WDR70: variants seen among roughly 807,000 people sequenced by gnomAD.
WDR70 encodes WD repeat-containing protein 70.
WDR70 carries 53 observed loss-of-function variants against 88.6 expected under a neutral mutation model. The observed-to-expected ratio is 0.60, with a 90% CI of 0.48 to 0.75. WDR70 has a LOEUF of 0.75. Ranked by LOEUF, WDR70 falls within the 30% of genes least tolerant of loss-of-function variation. The pLI is 0.00. For missense variants in WDR70, 610 were observed against 823.2 expected (o/e 0.74, Z 3.17); for synonymous variants, 280 against 270.0 (o/e 1.04, Z -0.36).
chr5:37,519,853 C>T (rs758129703), intron 9 of WDR70, among the ~76,000 whole-genome samples: 20 of 152,226 alleles, frequency 1.3e-4, no homozygotes, highest in Admixed American at 3.9e-4. Context: ...ACCCTCCAAA[C>T]TGTTCTTCAT....
chr5:37,559,255 A>C (rs996686960), intron 9 of WDR70, among the ~76,000 whole-genome samples: 7 of 152,044 alleles, frequency 4.6e-5, no homozygotes, highest in African/African-American at 7.2e-5. Context: ...CTTATGCTAC[A>C]CTATCCTCAT....
Position 37,721,117 on chromosome 5 carries a change from T to A in WDR70, c.1419T>A (p.Ser473Arg). 6.2e-7 allele frequency: 1 copy of A among 1,613,562 alleles called. No homozygotes were observed. The highest frequency in any genetic ancestry group is 1.7e-4 in the Middle Eastern group (1 of 6,052). ...RVYEIDITDA[S>R]VVRCLWHPKL... ...ACCACTGCGCTTTTCCTTTGCAGAG[T>A]GTTGTTCGCTGCCTGTGGCATCCAA... The change falls in exon 14 of 18, where the codon AGT becomes AGA. Residue 473 changes from serine to arginine, a missense_variant and splice_region_variant. Around this residue, in one of 4 missense-constraint regions of WDR70, gnomAD observed 254 missense variants for 300.7 expected, o/e 0.84. Coordinates refer to ENST00000265107, the MANE Select transcript of WDR70 (RefSeq NM_018034.4).
At chr5:37,722,668 T>G in intron 14 of WDR70, 187 bp from the exon 15 acceptor site, 1 of 589,648 alleles carries the variant, frequency 1.7e-6, no homozygotes, top group Non-Finnish European at 3.0e-6. Flanking sequence ...CTGACAGACT[T>G]GCTTTTCCAT....
At chr5:37,741,322 A>G (rs2112731380) in intron 17 of WDR70, among the ~76,000 whole-genome samples, 1 of 151,758 alleles carries the variant, frequency 6.6e-6, no homozygotes, top group East Asian at 1.9e-4. Flanking sequence ...AACCATTTAT[A>G]AGTATATAGT....
rs958483525 is a variant in WDR70 at position 37,695,312 on chromosome 5, C to T, written c.1093-2343C>T. Reference sequence around the variant, plus strand: ...ACCTCCCACCAAGTCCCACCTCCAACATTGTGAATTAGAATTTGACATGAG... The same window carrying T: ...ACCTCCCACCAAGTCCCACCTCCAATATTGTGAATTAGAATTTGACATGAG... On this transcript the variant is annotated intron_variant, in intron 10 of 17. Transcript: ENST00000265107. 3.7e-4 allele frequency among the ~76,000 whole-genome samples: 56 copies of T among 152,280 alleles called. 1 individual carries two copies. Among genetic ancestry groups the T allele is most frequent in the Admixed American group, 3.7e-3 (56 of 15,292 alleles).
intron 10 of WDR70, among the ~76,000 whole-genome samples, chr5:37,671,559 A>G (rs2112594232): frequency 6.6e-6 from 1 of 152,300 alleles, no homozygotes; most frequent in South Asian, 2.1e-4. Flanking sequence ...TAGGACTAGT[A>G]ATCTTTCTAT....
rs1334027050 is a variant in WDR70 at position 37,676,522 on chromosome 5, A to G, written c.1093-21133A>G. 2.0e-4 allele frequency among the ~76,000 whole-genome samples: 31 copies of G among 152,006 alleles called. 1 individual carries two copies. The highest frequency in any genetic ancestry group is 6.2e-4 in the South Asian group (3 of 4,818). ...GGTTTTTGTCTTTGGTTCTGTTTATATGCTGGATTACATTTATTGATTTGC... is the reference window on the plus strand; with the variant it reads ...GGTTTTTGTCTTTGGTTCTGTTTATGTGCTGGATTACATTTATTGATTTGC... On this transcript the variant is annotated intron_variant, in intron 10 of 17. Transcript: ENST00000265107.
chr5:37,680,267 T>C (rs1746386962), intron 10 of WDR70, among the ~76,000 whole-genome samples: 1 of 152,196 alleles, frequency 6.6e-6, no homozygotes, highest in Non-Finnish European at 1.5e-5. Context: ...CTTGAAAATT[T>C]GTTTAAGTTT....
chr5:37,526,752 A>G (rs1367902336), intron 9 of WDR70, among the ~76,000 whole-genome samples: 1 of 152,182 alleles, frequency 6.6e-6, no homozygotes, highest in Non-Finnish European at 1.5e-5. Context: ...TCAGCCCCAA[A>G]TCTCCTTAAG....
rs148725298 is a variant in WDR70, at chr5:37,586,031, C to G, written c.918-19033C>G. Among the ~76,000 whole-genome samples the G allele has an allele frequency of 6.0e-3, 911 of 152,244 alleles. 9 individuals carry two copies. Among genetic ancestry groups the G allele is most frequent in the African/African-American group, 0.021 (864 of 41,552 alleles). ...AAGACCCCTTTCAAGGCCTTTTGCT[C>G]TTGATTTTCCTTTTGCCATAAACTC... On this transcript the variant is annotated intron_variant, in intron 9 of 17. Coordinates refer to ENST00000265107, the MANE Select transcript of WDR70 (RefSeq NM_018034.4).
At chr5:37,646,332 T>C (rs945028679) in intron 10 of WDR70, among the ~76,000 whole-genome samples, 14 of 152,148 alleles carry the variant, frequency 9.2e-5, no homozygotes, top group Non-Finnish European at 1.9e-4. Flanking sequence ...TTTTGTACCA[T>C]GTCTTGAAGA....
At chr5:37,528,876 G>A (rs1741390538) in intron 9 of WDR70, among the ~76,000 whole-genome samples, 1 of 145,900 alleles carries the variant, frequency 6.9e-6, no homozygotes, top group African/African-American at 2.5e-5. Flanking sequence ...TCTTGGTCAT[G>A]AAGTCTTTGC....
chr5:37,528,487 G>T (rs1249373309), intron 9 of WDR70, among the ~76,000 whole-genome samples: 2 of 152,088 alleles, frequency 1.3e-5, no homozygotes, highest in Admixed American at 6.6e-5. Context: ...TGTGGGTTAG[G>T]GGGAGGGGTG....
intron 5 of WDR70, among the ~76,000 whole-genome samples, chr5:37,424,148 C>CAAAAAA (rs11304949): frequency 1.3e-3 from 71 of 55,454 alleles, no homozygotes; most frequent in Admixed American, 2.2e-3. Flanking sequence ...GACTCCATCT[C>CAAAAAA]AAAAAAAAAA....
At chr5:37,571,603 G>A (rs898518308) in intron 9 of WDR70, among the ~76,000 whole-genome samples, 11 of 152,156 alleles carry the variant, frequency 7.2e-5, no homozygotes, top group Non-Finnish European at 1.5e-4. Context: ...ATCCACTGGA[G>A]TGTATTAGGG....
chr5:37,626,252 C>T (rs1421087046), intron 10 of WDR70, among the ~76,000 whole-genome samples: 1 of 152,006 alleles, frequency 6.6e-6, no homozygotes, highest in Non-Finnish European at 1.5e-5. Context: ...TGTGGGTTTG[C>T]CATATTTGGC....
At chr5:37,683,791 AC>A (rs1330063960) in intron 10 of WDR70, among the ~76,000 whole-genome samples, 1 of 151,980 alleles carries the variant, frequency 6.6e-6, no homozygotes, top group Non-Finnish European at 1.5e-5. Context: ...TTTAATTTCA[AC>A]CTTGGAGAAT....
chr5:37,643,875 A>G (rs1561047177), intron 10 of WDR70, among the ~76,000 whole-genome samples: 1 of 151,992 alleles, frequency 6.6e-6, no homozygotes, highest in Non-Finnish European at 1.5e-5. Context: ...CAGCTCTAAT[A>G]GGTTTTTGAC....
chr5:37,441,717 C>A (rs1750659134), intron 6 of WDR70, among the ~76,000 whole-genome samples: 1 of 151,786 alleles, frequency 6.6e-6, no homozygotes, highest in African/African-American at 2.4e-5. Context: ...ACTTAGGAGG[C>A]TGAGGCAGGA....
Sources: gnomAD v4.1 joint callset for allele counts (sites outside exome capture counted in the v4.1 genomes callset) on GRCh38, gnomAD v4.1.1 for gene constraint, gnomAD v4.1.1 regional missense constraint, MANE v1.5 for transcripts, NCBI Gene and HGNC (gene_info 2026-07-23, HGNC 2026-07-21) for gene names.